Variants in CSMD1 observed in about 807,000 individuals in gnomAD.
CSMD1 encodes the protein CUB and sushi domain-containing protein 1.
CSMD1 carries 213 observed loss-of-function variants against 417.5 expected under a neutral mutation model. The observed-to-expected ratio is 0.51, with a 90% confidence interval of 0.46 to 0.57. The LOEUF (loss-of-function observed/expected upper bound fraction) is 0.57, where lower values mean the gene tolerates loss of function less well. Ranked by LOEUF, CSMD1 falls within the 20% of genes least tolerant of loss-of-function variation. The probability of loss-of-function intolerance (pLI) is 0.00; values close to 1 mark genes in which losing one functional copy is unlikely to be tolerated. For missense variants in CSMD1, 6,923 were observed against 4,529.7 expected, an observed-to-expected ratio of 1.53 and a Z score of -15.17; for synonymous variants, 2,862 against 1,736.8, an observed-to-expected ratio of 1.65 and a Z score of -16.11.
At chr8:4,312,141 A>T (rs1425289731) in intron 3 of CSMD1, among the ~76,000 whole-genome samples, 1 of 152,032 alleles carries the variant, frequency 6.6e-6, no homozygotes, top group East Asian at 1.9e-4. Flanking sequence ...AAAATATATT[A>T]TCTTTACACA....
intron 12 of CSMD1, among the ~76,000 whole-genome samples, chr8:3,414,451 T>C (rs1813004432): frequency 6.6e-6 from 1 of 152,130 alleles, no homozygotes; most frequent in Non-Finnish European, 1.5e-5. Flanking sequence ...ATGTTGTGCC[T>C]CAGTTCAGGT....
At chr8:4,157,425 C>A (rs958557480) in intron 3 of CSMD1, among the ~76,000 whole-genome samples, 1 of 152,082 alleles carries the variant, frequency 6.6e-6, no homozygotes, top group Admixed American at 6.6e-5. Flanking sequence ...CGTCCTTTTT[C>A]TTTCTCTATT....
chr8:4,483,905 T>A (rs1461598151), intron 2 of CSMD1, among the ~76,000 whole-genome samples: 3 of 152,216 alleles, frequency 2.0e-5, no homozygotes, highest in Admixed American at 6.5e-5. Context: ...GTTTGCTTAT[T>A]CAGGCCAAGC....
chr8:4,060,682 G>C (rs1375530868), intron 3 of CSMD1, among the ~76,000 whole-genome samples: 2 of 152,154 alleles, frequency 1.3e-5, no homozygotes, highest in East Asian at 1.9e-4. Context: ...CATAGATAAG[G>C]CCTGAGAAAT....
chr8:4,118,944 A>C (rs1314657482), intron 3 of CSMD1, among the ~76,000 whole-genome samples: 1 of 152,140 alleles, frequency 6.6e-6, no homozygotes, highest in African/African-American at 2.4e-5. Flanking sequence ...CTTTGGGGGG[A>C]CATGGGTGAA....
chr8:3,878,108 T>C (rs1805951279), intron 5 of CSMD1, among the ~76,000 whole-genome samples: 2 of 152,190 alleles, frequency 1.3e-5, no homozygotes. Context: ...CCTGTCTTCC[T>C]TCCTCCTTCC....
intron 3 of CSMD1, among the ~76,000 whole-genome samples, chr8:4,374,150 C>T (rs1320150112): frequency 6.6e-6 from 1 of 152,134 alleles, no homozygotes; most frequent in Non-Finnish European, 1.5e-5. Flanking sequence ...TAAGTACGTC[C>T]TTACCCTCCC....
intron 41 of CSMD1, among the ~76,000 whole-genome samples, chr8:3,122,601 A>G (rs9987128): frequency 0.16 from 24,746 of 152,074 alleles, 3,503 homozygotes; most frequent in African/African-American, 0.38. Flanking sequence ...AGAGGGTCCA[A>G]TCAATCTCAT....
intron 3 of CSMD1, among the ~76,000 whole-genome samples, chr8:4,263,820 C>G (rs901843566): frequency 1.3e-5 from 2 of 152,112 alleles, no homozygotes; most frequent in Non-Finnish European, 2.9e-5. Flanking sequence ...TACATATTTT[C>G]TAAACCAATT....
chr8:4,087,806 T>G (rs1049890536), intron 3 of CSMD1, among the ~76,000 whole-genome samples: 1 of 152,170 alleles, frequency 6.6e-6, no homozygotes, highest in African/African-American at 2.4e-5. Context: ...TATTTTTATT[T>G]TAGCATTATT....
intron 5 of CSMD1, among the ~76,000 whole-genome samples, chr8:3,958,384 G>A (rs776638687): frequency 2.0e-5 from 3 of 150,202 alleles, no homozygotes; most frequent in South Asian, 2.1e-4. Context: ...CACTCTCTAG[G>A]AAACCAAAAA....
chr8:3,046,897 T>C (rs1811482017), intron 50 of CSMD1, among the ~76,000 whole-genome samples: 1 of 151,128 alleles, frequency 6.6e-6, no homozygotes, highest in Admixed American at 6.6e-5. Flanking sequence ...TCACGTAGCT[T>C]AGATAAATGT....
At chr8:4,837,497 G>A (rs981153817) in intron 1 of CSMD1, among the ~76,000 whole-genome samples, 4 of 152,056 alleles carry the variant, frequency 2.6e-5, no homozygotes, top group Non-Finnish European at 5.9e-5. Context: ...GGCACAGAAA[G>A]GCAAACACAA....
At chr8:3,971,359 T>C (rs1359715744) in intron 5 of CSMD1, among the ~76,000 whole-genome samples, 1 of 152,200 alleles carries the variant, frequency 6.6e-6, no homozygotes, top group East Asian at 1.9e-4. Context: ...TTCTGTAATG[T>C]TCTGAAAATA....
At chr8:3,246,582 C>T (rs1386099188) in intron 26 of CSMD1, among the ~76,000 whole-genome samples, 1 of 152,132 alleles carries the variant, frequency 6.6e-6, no homozygotes, top group East Asian at 1.9e-4. Context: ...AGGGATTCTC[C>T]TGCCTCAGCC....
intron 1 of CSMD1, among the ~76,000 whole-genome samples, chr8:4,685,974 G>A (rs992413397): frequency 6.6e-6 from 1 of 152,138 alleles, no homozygotes; most frequent in Non-Finnish European, 1.5e-5. Context: ...AAATAAAAAC[G>A]GCAAAGACTG....
chr8:4,447,750 C>G (rs577903165), intron 2 of CSMD1, among the ~76,000 whole-genome samples: 5 of 151,368 alleles, frequency 3.3e-5, no homozygotes, highest in African/African-American at 9.8e-5. Flanking sequence ...AGATTTAAGA[C>G]TCTTTTGCAG....
At chr8:4,807,306 C>T (rs966996849) in intron 1 of CSMD1, among the ~76,000 whole-genome samples, 23 of 152,172 alleles carry the variant, frequency 1.5e-4, no homozygotes, top group African/African-American at 3.4e-4. Flanking sequence ...TGACAGGCCT[C>T]GGCTAATTTC....
intron 2 of CSMD1, among the ~76,000 whole-genome samples, chr8:4,562,284 C>G (rs1444028799): frequency 6.6e-6 from 1 of 152,152 alleles, no homozygotes; most frequent in Non-Finnish European, 1.5e-5. Context: ...AGAGAGAGGA[C>G]AACCTGCTGG....
Sources: gnomAD v4.1 joint callset for allele counts (sites outside exome capture counted in the v4.1 genomes callset) on GRCh38, gnomAD v4.1.1 for gene constraint, MANE v1.5 for transcripts, NCBI Gene and HGNC (gene_info 2026-07-23, HGNC 2026-07-21) for gene names.